Variants in SNTB1 observed in about 807,000 individuals in gnomAD.
The protein encoded by SNTB1 is beta-1-syntrophin.
SNTB1 carries 36 observed loss-of-function variants against 48.9 expected under a neutral mutation model. That is an observed-to-expected ratio of 0.74 (90% CI 0.56 to 0.97). The LOEUF (loss-of-function observed/expected upper bound fraction) is 0.97, where lower values mean the gene tolerates loss of function less well. SNTB1 is among the 50% of genes least tolerant of loss of function. The pLI, the probability that SNTB1 is intolerant of heterozygous loss-of-function variation, is 0.00. For synonymous variants in SNTB1, 299 were observed against 294.6 expected, an observed-to-expected ratio of 1.01 and a Z score of -0.15; for missense variants, 786 against 703.4, an observed-to-expected ratio of 1.12 and a Z score of -1.33.
intron 2 of SNTB1, chr8:120,637,025 C>A (rs1468042212): frequency 2.6e-5 from 9 of 349,254 alleles, no homozygotes; most frequent in Admixed American, 2.2e-4. Context: ...TTGTTCTTGT[C>A]AAATCTATAA....
intron 1 of SNTB1, among the ~76,000 whole-genome samples, chr8:120,726,575 A>G (rs531187642): frequency 6.4e-4 from 98 of 152,344 alleles, no homozygotes; most frequent in Middle Eastern, 3.4e-3. Flanking sequence ...AAATATCATT[A>G]CCAGGAAAAT....
intron 5 of SNTB1, among the ~76,000 whole-genome samples, chr8:120,547,169 C>A (rs932474316): frequency 3.3e-5 from 5 of 152,168 alleles, no homozygotes; most frequent in African/African-American, 1.2e-4. Flanking sequence ...ACATGGGGTA[C>A]ACACACAGTG....
At chr8:120,645,514 T>C (rs995140321) in intron 2 of SNTB1, among the ~76,000 whole-genome samples, 2 of 151,582 alleles carry the variant, frequency 1.3e-5, no homozygotes, top group African/African-American at 2.4e-5. Context: ...TTCTGTTCCA[T>C]TGATCTATAT....
intron 3 of SNTB1, among the ~76,000 whole-genome samples, chr8:120,607,037 G>A (rs1287701856): frequency 6.6e-6 from 1 of 152,022 alleles, no homozygotes; most frequent in Non-Finnish European, 1.5e-5. Context: ...AGCCAAGAGA[G>A]GCAGTTGGAA....
chr8:120,595,068 C>G (rs999050724), intron 3 of SNTB1, among the ~76,000 whole-genome samples: 2 of 152,046 alleles, frequency 1.3e-5, no homozygotes, highest in African/African-American at 4.8e-5. Flanking sequence ...GATGTTAACT[C>G]TCCTTGGTCC....
chr8:120,659,979 G>A (rs1246412502), intron 2 of SNTB1, among the ~76,000 whole-genome samples: 3 of 152,132 alleles, frequency 2.0e-5, no homozygotes, highest in Non-Finnish European at 4.4e-5. Context: ...CTGAGTAGCA[G>A]GTCTCAACAG....
chr8:120,779,868 C>T (rs577294350), intron 1 of SNTB1, among the ~76,000 whole-genome samples: 34 of 152,042 alleles, frequency 2.2e-4, no homozygotes, highest in African/African-American at 7.7e-4. Flanking sequence ...AGTGGACATG[C>T]CTGAAGTTCG....
At chr8:120,560,862 C>G (rs1186915620) in intron 4 of SNTB1, among the ~76,000 whole-genome samples, 1 of 152,172 alleles carries the variant, frequency 6.6e-6, no homozygotes, top group Non-Finnish European at 1.5e-5. Context: ...ATGAGCTGCA[C>G]TTTATAAACA....
At chr8:120,632,372 A>C (rs1337922780) in intron 3 of SNTB1, 72 bp downstream of exon 3, 23 of 1,337,112 alleles carry the variant, frequency 1.7e-5, no homozygotes, top group Middle Eastern at 1.8e-4. Flanking sequence ...GGGATGAGAT[A>C]GTTTTAGTGG....
chr8:120,545,873 A>T (rs1373067924), intron 5 of SNTB1, among the ~76,000 whole-genome samples: 1 of 152,214 alleles, frequency 6.6e-6, no homozygotes, highest in East Asian at 1.9e-4. Context: ...AACAACTAAT[A>T]ATCGTACTTA....
rs1815210011 is a variant in SNTB1 at position 120,536,786 on chromosome 8, T to G, written c.*2091A>C. 6.6e-6 allele frequency: 1 copy of G among 152,082 alleles called. No individual in the cohort carries two copies. Among genetic ancestry groups the G allele is most frequent in the African/African-American group, 2.4e-5 (1 of 41,452 alleles). 9.4% of individuals were successfully genotyped at this position (152,082 alleles called of 1,614,324 possible). A position where few individuals can be genotyped will look rare whatever the true frequency, so the allele number is the denominator to read the frequency against. ...GCTTAAGTGATAAAGAAATCATATT[T>G]GTAATTATGATCATTTTAATTTGTC... On this transcript the variant is annotated 3_prime_UTR_variant, in exon 7 of 7. Transcript: ENST00000517992.
At chr8:120,648,727 A>G (rs1170409464) in intron 2 of SNTB1, among the ~76,000 whole-genome samples, 7 of 152,186 alleles carry the variant, frequency 4.6e-5, no homozygotes, top group South Asian at 2.1e-4. Context: ...TTGCTAGATT[A>G]GGGAAGTTCT....
At chr8:120,684,653 G>GAA (rs59253330) in intron 2 of SNTB1, among the ~76,000 whole-genome samples, 158 of 149,692 alleles carry the variant, frequency 1.1e-3, no homozygotes, top group African/African-American at 2.4e-3. Flanking sequence ...GGCAAAAATT[G>GAA]AATTTTTTTT....
chr8:120,764,122 G>T (rs1213437776), intron 1 of SNTB1, among the ~76,000 whole-genome samples: 1 of 152,062 alleles, frequency 6.6e-6, no homozygotes, highest in Non-Finnish European at 1.5e-5. Context: ...TATTTCCAAG[G>T]TTATTCATTA....
At chr8:120,740,160 A>G (rs1819020611) in intron 1 of SNTB1, among the ~76,000 whole-genome samples, 1 of 152,138 alleles carries the variant, frequency 6.6e-6, no homozygotes, top group Admixed American at 6.5e-5. Context: ...CCTCTTATAT[A>G]TTTGGCTGAA....
At chr8:120,786,293 G>C (rs551356501) in intron 1 of SNTB1, among the ~76,000 whole-genome samples, 11 of 152,184 alleles carry the variant, frequency 7.2e-5, no homozygotes, top group South Asian at 4.1e-4. Flanking sequence ...AGGAAATCAG[G>C]CTGCAGGCCT....
chr8:120,559,649 C>T (rs561167088), intron 4 of SNTB1, among the ~76,000 whole-genome samples: 6 of 152,196 alleles, frequency 3.9e-5, no homozygotes, highest in African/African-American at 1.4e-4. Flanking sequence ...CTTAGCCTGA[C>T]TAGTTTTGAA....
chr8:120,639,234 G>A (rs1248537183), intron 2 of SNTB1, among the ~76,000 whole-genome samples: 2 of 151,950 alleles, frequency 1.3e-5, no homozygotes, highest in Admixed American at 1.3e-4. Context: ...CTTTTTGATG[G>A]GGTTGTTTTT....
chr8:120,676,425 G>A (rs936887582), intron 2 of SNTB1, among the ~76,000 whole-genome samples: 3 of 152,128 alleles, frequency 2.0e-5, no homozygotes, highest in South Asian at 2.1e-4. Flanking sequence ...TAAAGTATTC[G>A]AGATCACAAA....
Sources: gnomAD v4.1 joint callset for allele counts (sites outside exome capture counted in the v4.1 genomes callset) on GRCh38, gnomAD v4.1.1 for gene constraint, MANE v1.5 for transcripts, NCBI Gene and HGNC (gene_info 2026-07-23, HGNC 2026-07-21) for gene names.